MDGA1: variants seen among roughly 807,000 people sequenced by gnomAD.
MDGA1 encodes the protein MAM domain containing glycosylphosphatidylinositol anchor 1.
Under a neutral mutation model 101.5 loss-of-function variants are expected in MDGA1, and 54 were observed. That is an observed-to-expected ratio of 0.53 (90% CI 0.43 to 0.67). The LOEUF (loss-of-function observed/expected upper bound fraction) is 0.67. Among genes scored for constraint, MDGA1 ranks in the 30% least tolerant of loss-of-function variants. MDGA1 has a pLI of 0.00. For missense variants in MDGA1, 1,083 were observed against 1,323.8 expected, an observed-to-expected ratio of 0.82 and a Z score of 2.82; for synonymous variants, 533 against 558.3, an observed-to-expected ratio of 0.95 and a Z score of 0.64.
At position 37,636,295 on chromosome 6, in the gene MDGA1, C is replaced by T. The variant is rs995914338; in HGVS notation, c.*1073G>A. On this transcript the variant is annotated 3_prime_UTR_variant, in exon 17 of 17. Transcript: ENST00000434837. ...TATAAGCCCCTCCTCCTTCACTGCCCCTGGGTGGAGAAGGGAACTTTCAAC... is the reference window on the plus strand; with the variant it reads ...TATAAGCCCCTCCTCCTTCACTGCCTCTGGGTGGAGAAGGGAACTTTCAAC... 3 of 152,444 alleles carry T rather than the reference C, an allele frequency of 2.0e-5. No individual in the cohort carries two copies. Among genetic ancestry groups the T allele is most frequent in the Non-Finnish European group, 4.4e-5 (3 of 68,190 alleles). The allele number at this position is 152,444 out of a possible 1,614,324, so 9.4% of individuals were successfully genotyped here. A position where few individuals can be genotyped will look rare whatever the true frequency, so the allele number is the denominator to read the frequency against.
At position 37,673,718 on chromosome 6, in the gene MDGA1, G is replaced by A. The variant is rs534675071; in HGVS notation, c.68-9612C>T. On this transcript the variant is annotated intron_variant, in intron 1 of 16. Coordinates refer to ENST00000434837, the MANE Select transcript of MDGA1 (RefSeq NM_153487.4). Reference sequence around the variant, plus strand: ...CCGGGGGTGGACCAGGTGACTTCTCGGAGGTGCTCTGAGGCTGGGGGAGGC... The same window carrying A: ...CCGGGGGTGGACCAGGTGACTTCTCAGAGGTGCTCTGAGGCTGGGGGAGGC... Among the ~76,000 whole-genome samples, 18 of 152,240 alleles carry A rather than the reference G, an allele frequency of 1.2e-4. 1 individual carries two copies. In the South Asian group the frequency reaches 2.5e-3, roughly 21 times the overall value.
chr6:37,665,740 C>T (rs1761734926), intron 1 of MDGA1, among the ~76,000 whole-genome samples: 1 of 152,172 alleles, frequency 6.6e-6, no homozygotes, highest in Non-Finnish European at 1.5e-5. Flanking sequence ...CACTAAGTGC[C>T]TTTGTGTCTT....
In MDGA1 at chr6:37,664,015, C is replaced by T; in HGVS notation, c.159G>A (p.Gly53=). The change falls in exon 2 of 17, where the codon GGG becomes GGA. Residue 53 remains glycine, a synonymous_variant. Coordinates refer to ENST00000434837, the MANE Select transcript of MDGA1 (RefSeq NM_153487.4). ...ISERVYTIRE[G]DTLMLQCLVT... ...CAAGGCACTGCAGCATGAGGGTGTC[C>T]CCCTCCCGGATGGTGTAGACACGCT... The T allele has an allele frequency of 6.2e-7, 1 of 1,613,948 alleles. No homozygotes were observed. The highest frequency in any genetic ancestry group is 1.1e-5 in the South Asian group (1 of 91,076).
At position 37,635,976 on chromosome 6, in the gene MDGA1, T is replaced by C; in HGVS notation, c.*1392A>G. Reference sequence around the variant, plus strand: ...ATATGTGAGATTGCACACACAGACCTGTGTTTGCACACACTCCTGCCCAAC... The same window carrying C: ...ATATGTGAGATTGCACACACAGACCCGTGTTTGCACACACTCCTGCCCAAC... On this transcript the variant is annotated 3_prime_UTR_variant, in exon 17 of 17. Coordinates refer to ENST00000434837, the MANE Select transcript of MDGA1 (RefSeq NM_153487.4). 2.6e-6 allele frequency: 1 copy of C among 379,280 alleles called. No individual in the cohort carries two copies. Among genetic ancestry groups the C allele is most frequent in the South Asian group, 1.5e-4 (1 of 6,848 alleles). The allele number at this position is 379,280 out of a possible 1,614,324, so 23.5% of individuals were successfully genotyped here.
Position 37,638,671 on chromosome 6 carries a change from C to G in MDGA1, c.2537-4G>C, listed in dbSNP as rs781642860. ...CGCACCAGGAGGTTGAGGGAGCCTG[C>G]GGTGGGTGTGAAGACAGTGGGCAGT... On this transcript the variant is annotated splice_region_variant and splice_polypyrimidine_tract_variant and intron_variant, in intron 14 of 16. Coordinates refer to ENST00000434837, the MANE Select transcript of MDGA1 (RefSeq NM_153487.4). The surrounding 1 kb of genome is among the most constrained non-coding windows in gnomAD (Gnocchi z 4.8). 6.2e-7 allele frequency: 1 copy of G among 1,610,730 alleles called. No individual in the cohort carries two copies. The highest frequency in any genetic ancestry group is 8.5e-7 in the Non-Finnish European group (1 of 1,178,506).
intron 14 of MDGA1, among the ~76,000 whole-genome samples, chr6:37,643,568 G>A (rs564978118): frequency 3.9e-5 from 6 of 152,314 alleles, no homozygotes; most frequent in Admixed American, 1.3e-4. Flanking sequence ...CACCATGTCC[G>A]TCCCCTGCTG....
In MDGA1 at chr6:37,650,231, T is replaced by C; in HGVS notation, c.1487A>G (p.Asp496Gly). Residue 496 changes from aspartate (D) to glycine (G), a missense_variant, in exon 8 of 17, where the codon GAC (aspartate) becomes GGC (glycine). By Grantham distance (94) the Asp-to-Gly change is moderately conservative. This residue lies in a region of MDGA1 where 657 missense variants were observed against 771.4 expected (regional missense o/e 0.85). Coordinates refer to ENST00000434837, the MANE Select transcript of MDGA1 (RefSeq NM_153487.4). Reference protein sequence around the residue: ...PSGLPLEETPDGKLRLERVSR... With the variant: ...PSGLPLEETPGGKLRLERVSR... Reference sequence around the variant, plus strand: ...CACTCGCTCCAGCCGCAGCTTCCCGTCCGGAGTCTCCTCCAGGGGCAGCCC... The same window carrying C: ...CACTCGCTCCAGCCGCAGCTTCCCGCCCGGAGTCTCCTCCAGGGGCAGCCC... 1 of 1,611,272 alleles carries C rather than the reference T, an allele frequency of 6.2e-7. No individual in the cohort carries two copies. The highest frequency in any genetic ancestry group is 8.5e-7 in the Non-Finnish European group (1 of 1,179,348).
At position 37,685,499 on chromosome 6, in the gene MDGA1, G is replaced by A. The variant is rs139444436; in HGVS notation, c.67+11246C>T. On this transcript the variant is annotated intron_variant, in intron 1 of 16. Transcript: ENST00000434837. ...TGGGGCTGCTTGGTCTCATGTGGGTGTGGGCCTGCTGAGAGGCAGAAAGAT... is the reference window on the plus strand; with the variant it reads ...TGGGGCTGCTTGGTCTCATGTGGGTATGGGCCTGCTGAGAGGCAGAAAGAT... Among the ~76,000 whole-genome samples, 200 of 152,336 alleles carry A rather than the reference G, an allele frequency of 1.3e-3. 2 individuals carry two copies. Among genetic ancestry groups the A allele is most frequent in the African/African-American group, 4.7e-3 (195 of 41,580 alleles).
Position 37,637,245 on chromosome 6 carries a change from C to A in MDGA1, c.*123G>T, listed in dbSNP as rs561100205. ...TGCTCATCCTTGCAGCCAATGCAGG[C>A]CCCCTCCCTGGCGGGCCGGCCCTGC... is the stretch of plus-strand genomic sequence containing the variant. On this transcript the variant is annotated 3_prime_UTR_variant, in exon 17 of 17. Coordinates refer to ENST00000434837, the MANE Select transcript of MDGA1 (RefSeq NM_153487.4). 6.7e-5 allele frequency: 47 copies of A among 700,488 alleles called. 1 individual carries two copies. In the South Asian group the frequency reaches 8.3e-4, roughly 12 times the overall value. 43.4% of individuals were successfully genotyped at this position (700,488 alleles called of 1,614,324 possible). A position where few individuals can be genotyped will look rare whatever the true frequency, so the allele number is the denominator to read the frequency against.
chr6:37,663,968 T>G lies in MDGA1; in HGVS notation c.206A>C (p.Gln69Pro). 1.9e-6 allele frequency: 3 copies of G among 1,613,724 alleles called. No individual in the cohort carries two copies. The East Asian group carries it at 6.7e-5, about 36-fold the overall frequency. ...QCLVTGHPRP[Q>P]VRWTKTAGSA... ...AGCAAGGCTGGGCTGGGGGCTTACC[T>G]GGGGTCGAGGGTGCCCTGTTACAAG... is the stretch of plus-strand genomic sequence containing the variant. The change falls in exon 2 of 17, where the codon CAG becomes CCG. Residue 69 changes from glutamine to proline, a missense_variant and splice_region_variant. By Grantham distance (76) the Gln-to-Pro change is moderately conservative. Around this residue, in one of 3 missense-constraint regions of MDGA1, gnomAD observed 310 missense variants for 355.9 expected, o/e 0.87. Coordinates refer to ENST00000434837, the MANE Select transcript of MDGA1 (RefSeq NM_153487.4).
chr6:37,657,365 C>T (rs964163125), intron 3 of MDGA1, among the ~76,000 whole-genome samples: 7 of 152,176 alleles, frequency 4.6e-5, no homozygotes, highest in African/African-American at 1.4e-4. Context: ...ATCATTCTGC[C>T]CCTTCCACAG....
At chr6:37,659,446 T>C (rs1426492028) in intron 2 of MDGA1, among the ~76,000 whole-genome samples, 2 of 152,182 alleles carry the variant, frequency 1.3e-5, no homozygotes, top group East Asian at 3.8e-4. Context: ...TTGTCTTAGA[T>C]TATAGAAAAA....
chr6:37,654,594 G>T, intron 5 of MDGA1, 51 bp from the exon 6 acceptor site: 1 of 1,612,068 alleles, frequency 6.2e-7, no homozygotes, highest in Non-Finnish European at 8.5e-7. Context: ...AGGGCTGGAT[G>T]TTGGGGAGAG....
intron 12 of MDGA1, among the ~76,000 whole-genome samples, 193 bp from the exon 13 acceptor site, chr6:37,644,842 G>C (rs1056096673): frequency 4.6e-5 from 7 of 152,170 alleles, no homozygotes; most frequent in African/African-American, 1.7e-4. Flanking sequence ...CCCTTTTTGT[G>C]CCCTAGGCCC....
chr6:37,685,741 G>A (rs1347426592), intron 1 of MDGA1, among the ~76,000 whole-genome samples: 1 of 152,144 alleles, frequency 6.6e-6, no homozygotes, highest in East Asian at 1.9e-4. Context: ...ACGGGAAGCT[G>A]GTGGGACTGT....
Position 37,696,817 on chromosome 6 carries a change from C to T in MDGA1, c.-6G>A, listed in dbSNP as rs1454985778. 3 of 1,567,374 alleles carry T rather than the reference C, an allele frequency of 1.9e-6. No individual in the cohort carries two copies. In the Admixed American group the frequency reaches 5.6e-5, roughly 29 times the overall value. On this transcript the variant is annotated 5_prime_UTR_variant, in exon 1 of 17. The change creates a new upstream start codon in the 5' untranslated region. Coordinates refer to ENST00000434837, the MANE Select transcript of MDGA1 (RefSeq NM_153487.4). This position sits in a 1 kb window ranked among gnomAD's most constrained non-coding sequence, Gnocchi z 5.6. ...AGAAGGCAGGTCACCTCCATCTTCA[C>T]GGCCGGTGCTTCATCCCCGCGAGGC... is the stretch of plus-strand genomic sequence containing the variant.
chr6:37,655,668 T>C lies in MDGA1; in HGVS notation c.579+32A>G. The C allele has an allele frequency of 6.5e-7, 1 of 1,532,018 alleles. No homozygotes were observed. Among genetic ancestry groups the C allele is most frequent in the Non-Finnish European group, 8.8e-7 (1 of 1,132,634 alleles). 94.9% of individuals were successfully genotyped at this position (1,532,018 alleles called of 1,614,324 possible). On this transcript the variant is annotated intron_variant, in intron 4 of 16. Coordinates refer to ENST00000434837, the MANE Select transcript of MDGA1 (RefSeq NM_153487.4). This position sits in a 1 kb window ranked among gnomAD's most constrained non-coding sequence, Gnocchi z 5.1. ...CCTCCCCTGTTGGATGCAGGAGAAG[T>C]GGTATGGGGCGAGCCAGCTGCCCAT...
intron 2 of MDGA1, among the ~76,000 whole-genome samples, chr6:37,663,725 G>A (rs1487760674): frequency 6.6e-6 from 1 of 152,190 alleles, no homozygotes; most frequent in Non-Finnish European, 1.5e-5. Flanking sequence ...GAGTGGAATT[G>A]AACAACCGGC....
intron 1 of MDGA1, among the ~76,000 whole-genome samples, chr6:37,687,069 C>A (rs556860978): frequency 6.6e-6 from 1 of 152,156 alleles, no homozygotes; most frequent in Non-Finnish European, 1.5e-5. Context: ...CCTGACTCCA[C>A]CACCGCCTAA....
Sources: gnomAD v4.1 joint callset for allele counts (sites outside exome capture counted in the v4.1 genomes callset) on GRCh38, gnomAD v4.1.1 for gene constraint, gnomAD v4.1.1 regional missense constraint, Gnocchi (gnomAD v3.1) non-coding constraint, MANE v1.5 for transcripts, NCBI Gene and HGNC (gene_info 2026-07-23, HGNC 2026-07-21) for gene names.